TPD52: variants seen among roughly 807,000 people sequenced by gnomAD.
TPD52 encodes the protein tumor protein D52.
TPD52 carries 17 observed loss-of-function variants against 31.3 expected under a neutral mutation model. The observed-to-expected ratio is 0.54, with a 90% confidence interval of 0.37 to 0.82. The LOEUF is 0.82. Ranked by LOEUF, TPD52 falls within the 40% of genes least tolerant of loss-of-function variation. The pLI, the probability that TPD52 is intolerant of heterozygous loss-of-function variation, is 0.00. For synonymous variants in TPD52, 83 were observed against 89.6 expected (o/e 0.93, Z 0.42); for missense variants, 212 against 240.1 (o/e 0.88, Z 0.77).
At chr8:80,110,738 A>C (rs62516083) in intron 1 of TPD52, among the ~76,000 whole-genome samples, 13,203 of 152,252 alleles carry the variant, frequency 0.087, 672 homozygotes, top group South Asian at 0.21. Flanking sequence ...AAACTGCACC[A>C]ATCAGAAACT....
chr8:80,169,644 C>G (rs1028222973), intron 1 of TPD52, among the ~76,000 whole-genome samples: 3 of 152,134 alleles, frequency 2.0e-5, no homozygotes, highest in African/African-American at 4.8e-5. Flanking sequence ...CATAGTTATT[C>G]TAAAAACATC....
chr8:80,084,071 C>T (rs1815541312), intron 1 of TPD52, among the ~76,000 whole-genome samples: 1 of 152,206 alleles, frequency 6.6e-6, no homozygotes, highest in South Asian at 2.1e-4. Flanking sequence ...CATCCACACC[C>T]TACTTGAGAC....
chr8:80,145,941 T>C (rs561302250), intron 1 of TPD52, among the ~76,000 whole-genome samples: 18 of 152,318 alleles, frequency 1.2e-4, no homozygotes, highest in Admixed American at 3.3e-4. Flanking sequence ...TAGTTGATTT[T>C]AATAACTTGG....
At chr8:80,128,295 G>C (rs1808773018) in intron 1 of TPD52, among the ~76,000 whole-genome samples, 1 of 151,866 alleles carries the variant, frequency 6.6e-6, no homozygotes, top group Admixed American at 6.6e-5. Context: ...TCTTTAATAA[G>C]TAAGATATTT....
At chr8:80,045,838 C>T (rs754513126) in intron 5 of TPD52, among the ~76,000 whole-genome samples, 13 of 152,158 alleles carry the variant, frequency 8.5e-5, no homozygotes, top group Non-Finnish European at 1.9e-4. Context: ...CTAAAAGTTA[C>T]ATAGCTTTCT....
chr8:80,088,940 C>T (rs895912773), intron 1 of TPD52, among the ~76,000 whole-genome samples: 1 of 152,168 alleles, frequency 6.6e-6, no homozygotes, highest in Non-Finnish European at 1.5e-5. Context: ...CGTGATCCGC[C>T]CGCCTCGGCC....
chr8:80,051,180 T>C, intron 4 of TPD52: 1 of 330,324 alleles, frequency 3.0e-6, no homozygotes, highest in South Asian at 3.6e-5. Flanking sequence ...ACTTCAGTGC[T>C]CCTGTAGTCA....
intron 7 of TPD52, among the ~76,000 whole-genome samples, chr8:80,039,545 C>T (rs1810180254): frequency 6.6e-6 from 1 of 152,166 alleles, no homozygotes; most frequent in African/African-American, 2.4e-5. Flanking sequence ...TCTAATCTGC[C>T]TGTCTCCAAT....
intron 7 of TPD52, among the ~76,000 whole-genome samples, chr8:80,041,764 AC>A (rs1810406137): frequency 6.6e-6 from 1 of 152,234 alleles, no homozygotes; most frequent in African/African-American, 2.4e-5. Flanking sequence ...AAAATGTCCA[AC>A]AATTGAGGAC....
chr8:80,154,995 TTTTTTG>T (rs1160524945), intron 1 of TPD52, among the ~76,000 whole-genome samples: 1 of 117,568 alleles, frequency 8.5e-6, no homozygotes, highest in South Asian at 2.4e-4. Flanking sequence ...GTGTTTTTGG[TTTTTTG>T]TTTTTTTTTT....
chr8:80,039,557 G>A (rs534520227), intron 7 of TPD52, among the ~76,000 whole-genome samples: 2 of 151,942 alleles, frequency 1.3e-5, no homozygotes, highest in Non-Finnish European at 2.9e-5. Flanking sequence ...GTCTCCAATC[G>A]TTCTCCCCTT....
At chr8:80,099,175 T>C (rs1243604052) in intron 1 of TPD52, among the ~76,000 whole-genome samples, 3 of 152,230 alleles carry the variant, frequency 2.0e-5, no homozygotes, top group African/African-American at 7.2e-5. Context: ...TTTATTGCTA[T>C]ATTTGCTTTA....
chr8:80,042,312 A>G (rs932667016), intron 7 of TPD52: 9 of 985,308 alleles, frequency 9.1e-6, no homozygotes, highest in African/African-American at 5.2e-5. Flanking sequence ...GTTATATTAA[A>G]TTTTGTCCAC....
intron 1 of TPD52, among the ~76,000 whole-genome samples, chr8:80,116,054 A>G (rs999226331): frequency 6.6e-6 from 1 of 152,248 alleles, no homozygotes; most frequent in African/African-American, 2.4e-5. Context: ...TAATTTGTCA[A>G]TATCTACTAA....
At chr8:80,153,862 G>A (rs886335451) in intron 1 of TPD52, among the ~76,000 whole-genome samples, 5 of 152,198 alleles carry the variant, frequency 3.3e-5, no homozygotes, top group Admixed American at 3.3e-4. Context: ...CGGGAGCCAG[G>A]CCCTAGGAAA....
At chr8:80,157,294 T>C (rs919605987) in intron 1 of TPD52, among the ~76,000 whole-genome samples, 12 of 150,698 alleles carry the variant, frequency 8.0e-5, no homozygotes, top group Admixed American at 4.6e-4. Flanking sequence ...GGAAATAAGT[T>C]TGGGAAAGGA....
At chr8:80,052,185 C>G (rs1409780468) in intron 3 of TPD52, among the ~76,000 whole-genome samples, 1 of 152,128 alleles carries the variant, frequency 6.6e-6, no homozygotes, top group East Asian at 1.9e-4. Flanking sequence ...GGACTTTCAA[C>G]AAAGTATGTA....
intron 1 of TPD52, among the ~76,000 whole-genome samples, chr8:80,154,218 G>A (rs1398161071): frequency 6.6e-6 from 1 of 152,212 alleles, no homozygotes; most frequent in African/African-American, 2.4e-5. Context: ...ACTTGGTCAG[G>A]AGAAGGAAGA....
At chr8:80,170,973 G>A (rs990781706) in intron 1 of TPD52, 8 of 367,360 alleles carry the variant, frequency 2.2e-5, no homozygotes, top group Non-Finnish European at 3.7e-5. Context: ...CCTGAACTTA[G>A]AAGAAGGCAG....
Sources: allele counts gnomAD v4.1 joint callset (sites outside exome capture counted in the v4.1 genomes callset), GRCh38; gene constraint gnomAD v4.1.1; transcripts MANE v1.5; gene names NCBI Gene and HGNC (gene_info 2026-07-23, HGNC 2026-07-21).